The following FOXP1 variants were observed in gnomAD, a reference collection of about 807,000 sequenced individuals.
FOXP1 encodes the protein forkhead box P1.
Under a neutral mutation model 98.2 loss-of-function variants are expected in FOXP1, and 15 were observed. The observed-to-expected ratio is 0.15, with a 90% CI of 0.10 to 0.24. FOXP1 has a LOEUF of 0.24. Among genes scored for constraint, FOXP1 ranks in the 10% least tolerant of loss-of-function variants. FOXP1 has a pLI of 1.00. For synonymous variants in FOXP1, 371 were observed against 314.5 expected (o/e 1.18, Z -1.90); for missense variants, 633 against 848.5 (o/e 0.75, Z 3.15).
chr3:71,061,948 A>G (rs1233455848), intron 7 of FOXP1, among the ~76,000 whole-genome samples: 1 of 152,178 alleles, frequency 6.6e-6, no homozygotes, highest in Non-Finnish European at 1.5e-5. Flanking sequence ...AACCAAGACA[A>G]ACCTGAACTT....
At chr3:71,563,056 G>A (rs2107746039) in intron 2 of FOXP1, among the ~76,000 whole-genome samples, 1 of 152,300 alleles carries the variant, frequency 6.6e-6, no homozygotes, top group East Asian at 1.9e-4. Flanking sequence ...TGAGGAGCCA[G>A]GCTGGCCATG....
At chr3:71,493,593 G>T (rs2107055055) in intron 2 of FOXP1, 38 bp from the exon 3 acceptor site, 1 of 152,274 alleles carries the variant, frequency 6.6e-6, no homozygotes, top group South Asian at 2.1e-4. Flanking sequence ...TAACTAAGAT[G>T]TAACTTCTAA....
chr3:71,439,894 G>A (rs1051939426), intron 3 of FOXP1, among the ~76,000 whole-genome samples: 3 of 151,096 alleles, frequency 2.0e-5, no homozygotes, highest in South Asian at 2.1e-4. Context: ...TTCATTGATC[G>A]GAGATTGCAC....
At chr3:71,331,855 T>G (rs1371351301) in intron 4 of FOXP1, among the ~76,000 whole-genome samples, 1 of 150,772 alleles carries the variant, frequency 6.6e-6, no homozygotes, top group Non-Finnish European at 1.5e-5. Context: ...GGTTTGTAAA[T>G]ACACCAATCA....
At chr3:71,506,513 T>C (rs571898980) in intron 2 of FOXP1, among the ~76,000 whole-genome samples, 41 of 152,152 alleles carry the variant, frequency 2.7e-4, no homozygotes, top group Admixed American at 3.9e-4. Context: ...AGCTGATAAC[T>C]TTTCCAACTA....
intron 3 of FOXP1, among the ~76,000 whole-genome samples, chr3:71,489,456 G>A (rs150060827): frequency 1.3e-5 from 2 of 152,306 alleles, no homozygotes; most frequent in East Asian, 3.9e-4. Context: ...CAACACATTC[G>A]CCATCTCTAG....
At chr3:71,136,840 G>A (rs536969149) in intron 6 of FOXP1, among the ~76,000 whole-genome samples, 49 of 151,862 alleles carry the variant, frequency 3.2e-4, no homozygotes, top group Admixed American at 5.2e-4. Flanking sequence ...GATTACTGGT[G>A]GAAAAAAGTA....
intron 6 of FOXP1, among the ~76,000 whole-genome samples, chr3:71,137,637 G>A (rs1026394984): frequency 1.3e-5 from 2 of 152,034 alleles, no homozygotes; most frequent in Non-Finnish European, 2.9e-5. Context: ...CTCCTCCGAT[G>A]TCCAATGCCA....
intron 11 of FOXP1, among the ~76,000 whole-genome samples, chr3:71,033,812 T>A (rs767647424): frequency 6.6e-6 from 1 of 152,118 alleles, no homozygotes; most frequent in African/African-American, 2.4e-5. Flanking sequence ...ATCACAGTTC[T>A]TCAAAGCACG....
At chr3:70,985,526 AT>A (rs1446581318) in intron 14 of FOXP1, among the ~76,000 whole-genome samples, 1 of 152,070 alleles carries the variant, frequency 6.6e-6, no homozygotes, top group Non-Finnish European at 1.5e-5. Flanking sequence ...AAAATTTTCT[AT>A]TTTCCAATAA....
chr3:71,526,403 A>G (rs1247546458), intron 2 of FOXP1, among the ~76,000 whole-genome samples: 1 of 152,176 alleles, frequency 6.6e-6, no homozygotes, highest in Non-Finnish European at 1.5e-5. Flanking sequence ...GATACAAACA[A>G]TCCCTGCTGA....
At position 71,567,367 on chromosome 3, in the gene FOXP1, G is replaced by A. The variant is rs541096914; in HGVS notation, c.-298+14182C>T. On this transcript the variant is annotated intron_variant, in intron 2 of 20. Coordinates refer to ENST00000649528, the MANE Select transcript of FOXP1 (RefSeq NM_001349338.3). Reference sequence around the variant, plus strand: ...TCCATCACTGCCACCGAGATAAACCGAAACGCAGAGACTCCGTCATTTGCT... The same window carrying A: ...TCCATCACTGCCACCGAGATAAACCAAAACGCAGAGACTCCGTCATTTGCT... 2.0e-5 allele frequency among the ~76,000 whole-genome samples: 3 copies of A among 151,862 alleles called. No individual in the cohort carries two copies. In the East Asian group the frequency reaches 5.8e-4, roughly 30 times the overall value.
At chr3:71,328,751 T>A (rs2107706512) in intron 4 of FOXP1, among the ~76,000 whole-genome samples, 1 of 152,064 alleles carries the variant, frequency 6.6e-6, no homozygotes, top group African/African-American at 2.4e-5. Context: ...GGCAGTTGGA[T>A]CACCGGAGGT....
chr3:71,110,782 T>C (rs973270451), intron 7 of FOXP1, among the ~76,000 whole-genome samples: 1 of 152,236 alleles, frequency 6.6e-6, no homozygotes, highest in East Asian at 1.9e-4. Flanking sequence ...AAGGTCAACA[T>C]AGTCGTATTT....
At chr3:71,248,497 C>T (rs2067926060) in intron 5 of FOXP1, among the ~76,000 whole-genome samples, 1 of 152,126 alleles carries the variant, frequency 6.6e-6, no homozygotes, top group Admixed American at 6.5e-5. Flanking sequence ...AATCCCAGCA[C>T]TTTGGGAGGC....
intron 3 of FOXP1, among the ~76,000 whole-genome samples, chr3:71,416,304 G>A (rs1300052745): frequency 6.6e-6 from 1 of 152,076 alleles, no homozygotes; most frequent in Non-Finnish European, 1.5e-5. Flanking sequence ...GGGAGGACGA[G>A]GCAGGAGGGT....
At chr3:71,175,543 A>G (rs919480550) in intron 6 of FOXP1, among the ~76,000 whole-genome samples, 1 of 152,226 alleles carries the variant, frequency 6.6e-6, no homozygotes, top group African/African-American at 2.4e-5. Flanking sequence ...AGAGATAAAG[A>G]CAGACTAAAA....
intron 16 of FOXP1, 64 bp downstream of exon 16, chr3:70,977,579 C>CAA (rs774222188): frequency 4.8e-5 from 64 of 1,336,872 alleles, no homozygotes; most frequent in Non-Finnish European, 6.8e-5. Context: ...TCTACTTCAT[C>CAA]AATATATATC....
chr3:71,291,797 C>G (rs977296142), intron 5 of FOXP1, among the ~76,000 whole-genome samples: 1 of 149,568 alleles, frequency 6.7e-6, no homozygotes, highest in Admixed American at 6.8e-5. Context: ...ACCTCTGCCT[C>G]CCGGGTTCAA....
Sources: allele counts gnomAD v4.1 joint callset (sites outside exome capture counted in the v4.1 genomes callset), GRCh38; gene constraint gnomAD v4.1.1; transcripts MANE v1.5; gene names NCBI Gene and HGNC (gene_info 2026-07-23, HGNC 2026-07-21).